PPP1R13B: variants seen among roughly 807,000 people sequenced by gnomAD.
The protein encoded by PPP1R13B is apoptosis-stimulating of p53 protein 1.
A neutral mutation model predicts 119.8 loss-of-function variants in PPP1R13B; 44 were observed. That is an observed-to-expected ratio of 0.37 (90% CI 0.29 to 0.47). PPP1R13B has a LOEUF of 0.47. Ranked by LOEUF, PPP1R13B falls within the 20% of genes least tolerant of loss-of-function variation. The pLI is 0.99. For synonymous variants in PPP1R13B, 542 were observed against 561.5 expected, an observed-to-expected ratio of 0.97 and a Z score of 0.49; for missense variants, 1,227 against 1,413.5, an observed-to-expected ratio of 0.87 and a Z score of 2.12.
At chr14:103,755,301 C>T (rs1339046573) in intron 5 of PPP1R13B, among the ~76,000 whole-genome samples, 1 of 152,086 alleles carries the variant, frequency 6.6e-6, no homozygotes, top group Non-Finnish European at 1.5e-5. Flanking sequence ...TGAACACTGA[C>T]CAGCAGAGAA....
chr14:103,735,455 G>A (rs1259594975), intron 16 of PPP1R13B, among the ~76,000 whole-genome samples: 1 of 152,182 alleles, frequency 6.6e-6, no homozygotes, highest in African/African-American at 2.4e-5. Flanking sequence ...GGCTCTCAAG[G>A]TCATAAGCTC....
chr14:103,772,675 CTT>C (rs200012700), intron 4 of PPP1R13B, among the ~76,000 whole-genome samples: 37 of 140,522 alleles, frequency 2.6e-4, no homozygotes, highest in Admixed American at 2.8e-4. Context: ...GTTTCTTTTT[CTT>C]TTTTTTTTTT....
intron 1 of PPP1R13B, 128 bp from the exon 2 acceptor site, chr14:103,797,646 A>C: frequency 2.1e-6 from 1 of 486,742 alleles, no homozygotes; most frequent in Non-Finnish European, 3.6e-6. Context: ...TTCTGGAAAT[A>C]ATAATAGATA....
chr14:103,816,163 CTTTTT>C (rs752578058), intron 1 of PPP1R13B, among the ~76,000 whole-genome samples: 6 of 142,718 alleles, frequency 4.2e-5, no homozygotes, highest in Middle Eastern at 3.6e-3. Flanking sequence ...ATGAAAACAA[CTTTTT>C]TTTTTTTTTT....
chr14:103,767,426 C>G (rs1159817818), intron 4 of PPP1R13B, among the ~76,000 whole-genome samples: 1 of 152,072 alleles, frequency 6.6e-6, no homozygotes, highest in Non-Finnish European at 1.5e-5. Flanking sequence ...TCAAATACTT[C>G]CTTTGAAAGT....
intron 16 of PPP1R13B, 110 bp from the exon 17 acceptor site, chr14:103,735,305 C>T: frequency 9.8e-7 from 1 of 1,018,380 alleles, no homozygotes; most frequent in Non-Finnish European, 1.5e-6. Context: ...CCGTGCAGCA[C>T]CCTTGTCCCT....
At position 103,828,642 on chromosome 14, in the gene PPP1R13B, GAA is replaced by G. The variant is rs1176193619; in HGVS notation, c.9+18655_9+18656del. 5.3e-5 allele frequency among the ~76,000 whole-genome samples: 8 copies of G among 152,218 alleles called. No individual in the cohort carries two copies. The East Asian group carries it at 1.5e-3, about 29-fold the overall frequency. ...ACAGAAGGGCTGCCTGCTCCAACAG[GAA>G]AGACTTCCCAAAGGACGCCACGGAA... On this transcript the variant is annotated intron_variant, in intron 1 of 16. Transcript: ENST00000202556.
At chr14:103,777,519 C>T (rs922684306) in intron 4 of PPP1R13B, among the ~76,000 whole-genome samples, 22 of 152,068 alleles carry the variant, frequency 1.4e-4, no homozygotes, top group African/African-American at 4.8e-4. Flanking sequence ...GCCCATCTGC[C>T]GCCACAGAGA....
chr14:103,803,456 A>G (rs1463690877), intron 1 of PPP1R13B, among the ~76,000 whole-genome samples: 1 of 152,150 alleles, frequency 6.6e-6, no homozygotes, highest in African/African-American at 2.4e-5. Flanking sequence ...ATCCTGGCTA[A>G]CACAGTGAAA....
chr14:103,742,318 CAA>C lies in PPP1R13B; in HGVS notation c.1321-29_1321-28del. 2 of 1,516,770 alleles carry C rather than the reference CAA, an allele frequency of 1.3e-6. No homozygotes were observed. The allele number at this position is 1,516,770 out of a possible 1,614,324, so 94.0% of individuals were successfully genotyped here. A position where few individuals can be genotyped will look rare whatever the true frequency, so the allele number is the denominator to read the frequency against. On this transcript the variant is annotated intron_variant, in intron 10 of 16. Coordinates refer to ENST00000202556, the MANE Select transcript of PPP1R13B (RefSeq NM_015316.3). The surrounding 1 kb of genome is among the most constrained non-coding windows in gnomAD (Gnocchi z 4.9). ...TAAGTTTAGGTGTTAAGAAGAAAAA[CAA>C]AGTCACCCTTTGAACAGTTAAGAAT... is the stretch of plus-strand genomic sequence containing the variant.
At chr14:103,775,263 CTTA>C (rs775624855) in intron 4 of PPP1R13B, among the ~76,000 whole-genome samples, 23 of 148,962 alleles carry the variant, frequency 1.5e-4, no homozygotes, top group Admixed American at 3.3e-4. Flanking sequence ...CTTTCTTTCA[CTTA>C]TTATTATTAT....
chr14:103,769,526 C>T (rs2085016537), intron 4 of PPP1R13B, among the ~76,000 whole-genome samples: 1 of 152,162 alleles, frequency 6.6e-6, no homozygotes, highest in Non-Finnish European at 1.5e-5. Flanking sequence ...AGGCGTGAGC[C>T]ACAACACATA....
chr14:103,799,619 T>TG (rs1567133374), intron 1 of PPP1R13B, among the ~76,000 whole-genome samples: 5 of 149,360 alleles, frequency 3.3e-5, no homozygotes, highest in South Asian at 2.1e-4. Context: ...GGTTTTTTGT[T>TG]TTTTTTTTTT....
At chr14:103,735,330 G>C in intron 16 of PPP1R13B, 135 bp from the exon 17 acceptor site, 1 of 800,064 alleles carries the variant, frequency 1.2e-6, no homozygotes, top group Non-Finnish European at 2.2e-6. Context: ...CCTACGCTCA[G>C]CTGCACCTCT....
chr14:103,735,236 A>ACAGGGAGCAGGGCCAGC, intron 16 of PPP1R13B, 41 bp from the exon 17 acceptor site: 1 of 1,611,592 alleles, frequency 6.2e-7, no homozygotes, highest in Non-Finnish European at 8.5e-7. Context: ...GAAGCCACAC[A>ACAGGGAGCAGGGCCAGC]CAGGGAGCAG....
intron 1 of PPP1R13B, among the ~76,000 whole-genome samples, chr14:103,826,959 C>A (rs1424126060): frequency 1.3e-5 from 2 of 150,908 alleles, no homozygotes; most frequent in Non-Finnish European, 2.9e-5. Flanking sequence ...TTGCAGTGAG[C>A]GGAGATCATG....
chr14:103,844,818 C>T (rs990504798), intron 1 of PPP1R13B, among the ~76,000 whole-genome samples: 1 of 152,060 alleles, frequency 6.6e-6, no homozygotes, highest in African/African-American at 2.4e-5. Flanking sequence ...CTATGTTGTC[C>T]AATATGGTAG....
chr14:103,834,219 A>G (rs980238589), intron 1 of PPP1R13B, among the ~76,000 whole-genome samples: 4 of 152,170 alleles, frequency 2.6e-5, no homozygotes, highest in African/African-American at 9.7e-5. Flanking sequence ...TACTAAAAAT[A>G]CAAAAAACTA....
intron 4 of PPP1R13B, among the ~76,000 whole-genome samples, chr14:103,778,303 C>T (rs1458098696): frequency 2.1e-5 from 3 of 143,180 alleles, no homozygotes; most frequent in Admixed American, 1.4e-4. Context: ...TCTCTATTGC[C>T]CAAGCTGGAG....
Sources: gnomAD v4.1 joint callset for allele counts (sites outside exome capture counted in the v4.1 genomes callset) on GRCh38, gnomAD v4.1.1 for gene constraint, Gnocchi (gnomAD v3.1) non-coding constraint, MANE v1.5 for transcripts, NCBI Gene and HGNC (gene_info 2026-07-23, HGNC 2026-07-21) for gene names.